The following CCDC93 variants were observed in gnomAD, a reference collection of about 807,000 sequenced individuals.
CCDC93 encodes coiled-coil domain-containing protein 93.
CCDC93 carries 61 observed loss-of-function variants against 108.2 expected under a neutral mutation model. That is an observed-to-expected ratio of 0.56 (90% CI 0.46 to 0.70). CCDC93 has a LOEUF of 0.70. Among genes scored for constraint, CCDC93 ranks in the 30% least tolerant of loss-of-function variants. The probability of loss-of-function intolerance (pLI) is 0.00; values close to 1 mark genes in which losing one functional copy is unlikely to be tolerated. For synonymous variants in CCDC93, 276 were observed against 260.4 expected (o/e 1.06, Z -0.58); for missense variants, 685 against 764.2 (o/e 0.90, Z 1.22).
At chr2:117,991,983 T>C (rs1680487848) in intron 6 of CCDC93, among the ~76,000 whole-genome samples, 1 of 151,948 alleles carries the variant, frequency 6.6e-6, no homozygotes, top group South Asian at 2.1e-4. Context: ...CTTGCAGAAG[T>C]GGTAGAAGGG....
intron 11 of CCDC93, among the ~76,000 whole-genome samples, chr2:117,970,392 G>C (rs2104775131): frequency 6.6e-6 from 1 of 151,982 alleles, no homozygotes; most frequent in South Asian, 2.1e-4. Flanking sequence ...AAGACCAGCT[G>C]ACATGCATTA....
rs1441967629 is a variant in CCDC93 at position 117,916,691 on chromosome 2, A to G, written c.*3652T>C. 6.6e-6 allele frequency: 1 copy of G among 152,258 alleles called. No homozygotes were observed. The highest frequency in any genetic ancestry group is 6.5e-5 in the Admixed American group (1 of 15,278). 9.4% of individuals were successfully genotyped at this position (152,258 alleles called of 1,614,324 possible). On this transcript the variant is annotated 3_prime_UTR_variant, in exon 24 of 24. Transcript: ENST00000376300. ...GGGACGGATGTAAGGCTGGCGTGGA[A>G]CATCCACGGTATTCCCTGTGTTGTC...
chr2:117,986,147 T>C (rs955231333), intron 6 of CCDC93, 78 bp from the exon 7 acceptor site: 2 of 634,338 alleles, frequency 3.2e-6, no homozygotes, highest in East Asian at 3.2e-5. Context: ...CCTCCAGCCA[T>C]GGGGTATATT....
rs1023758456 is a variant in CCDC93 at position 117,919,481 on chromosome 2, A to G, written c.*862T>C. ...GCCTTGAGTGCAGGGAACAGTGTCT[A>G]TCTCTCTCCTGGCTCAGACCATGAC... On this transcript the variant is annotated 3_prime_UTR_variant, in exon 24 of 24. Coordinates refer to ENST00000376300, the MANE Select transcript of CCDC93 (RefSeq NM_019044.5). 7.2e-5 allele frequency: 11 copies of G among 152,196 alleles called. No homozygotes were observed. The highest frequency in any genetic ancestry group is 2.0e-4 in the Admixed American group (3 of 15,292). The allele number at this position is 152,196 out of a possible 1,614,324, so 9.4% of individuals were successfully genotyped here.
At chr2:117,920,586 T>C (rs555376458) in intron 23 of CCDC93, among the ~76,000 whole-genome samples, 190 bp from the exon 24 acceptor site, 2 of 152,306 alleles carry the variant, frequency 1.3e-5, no homozygotes, top group Non-Finnish European at 2.9e-5. Flanking sequence ...AATATAACTA[T>C]AATGATGCTC....
intron 23 of CCDC93, among the ~76,000 whole-genome samples, chr2:117,925,595 A>C (rs1415756249): frequency 6.6e-6 from 1 of 152,254 alleles, no homozygotes; most frequent in Non-Finnish European, 1.5e-5. Flanking sequence ...ATATGCACCC[A>C]ATACAGGAGC....
In CCDC93 at chr2:117,943,653, T is replaced by C. The variant is rs189571502; in HGVS notation, c.1413+371A>G. Among the ~76,000 whole-genome samples the C allele has an allele frequency of 1.7e-4, 26 of 152,380 alleles. 1 individual carries two copies. The highest frequency in any genetic ancestry group is 6.3e-4 in the African/African-American group (26 of 41,594). On this transcript the variant is annotated intron_variant, in intron 18 of 23. Transcript: ENST00000376300. The stretch of plus-strand genomic sequence containing the variant: ...TTTTAAATGTAATTTTGACTCTGCA[T>C]GAATTAAATTTTAGAGCTAATTTTG...
chr2:117,968,017 A>C (rs1018275384), intron 11 of CCDC93, among the ~76,000 whole-genome samples: 1 of 152,228 alleles, frequency 6.6e-6, no homozygotes, highest in African/African-American at 2.4e-5. Context: ...CAGATTCACC[A>C]AGACAAATCT....
At chr2:117,974,772 G>A (rs887286922) in intron 10 of CCDC93, 78 bp downstream of exon 10, 3 of 1,054,938 alleles carry the variant, frequency 2.8e-6, no homozygotes, top group African/African-American at 1.6e-5. Context: ...CGGAGAAGGT[G>A]GGCTCTCTGG....
At position 117,920,239 on chromosome 2, in the gene CCDC93, A is replaced by C; in HGVS notation, c.*104T>G. 1.4e-6 allele frequency: 1 copy of C among 707,168 alleles called. No individual in the cohort carries two copies. The allele number at this position is 707,168 out of a possible 1,614,324, so 43.8% of individuals were successfully genotyped here. On this transcript the variant is annotated 3_prime_UTR_variant, in exon 24 of 24. Coordinates refer to ENST00000376300, the MANE Select transcript of CCDC93 (RefSeq NM_019044.5). ...CATCCAGGTTGTTGAAATCATCACA[A>C]CTGCATCTCTCTACTGTCGCTTTCA... is the stretch of plus-strand genomic sequence containing the variant.
In CCDC93 at chr2:117,931,168, GA is replaced by G; in HGVS notation, c.1729-19del. The G allele has an allele frequency of 6.3e-7, 1 of 1,582,154 alleles. No individual in the cohort carries two copies. The highest frequency in any genetic ancestry group is 1.7e-5 in the Admixed American group (1 of 59,794). ...TTTTCCATCTGTTGAAACATTGTGG[GA>G]AATGGTGATGAAAAGACATGTTCTG... On this transcript the variant is annotated intron_variant, in intron 22 of 23. Coordinates refer to ENST00000376300, the MANE Select transcript of CCDC93 (RefSeq NM_019044.5).
At chr2:118,010,445 C>A (rs1676993856) in intron 1 of CCDC93, among the ~76,000 whole-genome samples, 1 of 152,160 alleles carries the variant, frequency 6.6e-6, no homozygotes, top group Non-Finnish European at 1.5e-5. Flanking sequence ...AATAAGATAT[C>A]CTGGTTCACA....
intron 23 of CCDC93, chr2:117,930,705 T>C (rs780609266): frequency 5.6e-6 from 1 of 179,154 alleles, no homozygotes; most frequent in Non-Finnish European, 1.2e-5. Context: ...GAAAGAAGAT[T>C]CTATATCTGA....
chr2:117,968,605 CTT>C (rs1383083366), intron 11 of CCDC93, among the ~76,000 whole-genome samples: 1 of 152,174 alleles, frequency 6.6e-6, no homozygotes, highest in Non-Finnish European at 1.5e-5. Context: ...ATGTTACACT[CTT>C]ATAAGAAACT....
intron 11 of CCDC93, among the ~76,000 whole-genome samples, chr2:117,969,277 C>T (rs777259330): frequency 7.2e-5 from 11 of 152,300 alleles, no homozygotes; most frequent in Middle Eastern, 6.8e-3. Flanking sequence ...CTCCAGCTAA[C>T]GGCCAGCAAA....
In CCDC93 at chr2:117,918,234, G is replaced by A. The variant is rs1039207855; in HGVS notation, c.*2109C>T. ...GTTGTCTGCAGCAAGTGTGAAATTT[G>A]AGCTCAAACTGGCTTCTGTAGTCTA... On this transcript the variant is annotated 3_prime_UTR_variant, in exon 24 of 24. Transcript: ENST00000376300. The A allele has an allele frequency of 2.6e-5, 4 of 151,978 alleles. No homozygotes were observed. The highest frequency in any genetic ancestry group is 4.4e-5 in the Non-Finnish European group (3 of 68,018). The allele number at this position is 151,978 out of a possible 1,614,324, so 9.4% of individuals were successfully genotyped here.
At chr2:117,986,127 C>T in intron 6 of CCDC93, 58 bp from the exon 7 acceptor site, 3 of 852,162 alleles carry the variant, frequency 3.5e-6, no homozygotes, top group Middle Eastern at 2.6e-4. Context: ...CCTGAATTGG[C>T]TGCTGGATGC....
At chr2:117,983,655 T>TC (rs1680224899) in intron 7 of CCDC93, among the ~76,000 whole-genome samples, 1 of 40,224 alleles carries the variant, frequency 2.5e-5, no homozygotes, top group Non-Finnish European at 5.8e-5. Flanking sequence ...TATATATATA[T>TC]ATATATATAT....
At chr2:117,956,922 C>T (rs1309478855) in intron 12 of CCDC93, among the ~76,000 whole-genome samples, 2 of 151,164 alleles carry the variant, frequency 1.3e-5, no homozygotes, top group African/African-American at 2.4e-5. Flanking sequence ...TGGAGTTTCG[C>T]TCTTGTTGCC....
Sources: allele counts gnomAD v4.1 joint callset (sites outside exome capture counted in the v4.1 genomes callset), GRCh38; gene constraint gnomAD v4.1.1; transcripts MANE v1.5; gene names NCBI Gene and HGNC (gene_info 2026-07-23, HGNC 2026-07-21).